The following XKR6 variants were observed in gnomAD, a reference collection of about 807,000 sequenced individuals.
XKR6 encodes the protein XK related 6, also known as XK-related protein 6.
XKR6 carries 22 observed loss-of-function variants against 56.7 expected under a neutral mutation model. The ratio of observed to expected loss-of-function variants is 0.39; its 90% CI spans 0.28 to 0.55. The LOEUF (loss-of-function observed/expected upper bound fraction) is 0.55. Ranked by LOEUF, XKR6 falls within the 20% of genes least tolerant of loss-of-function variation. The pLI is 0.66. For missense variants in XKR6, 852 were observed against 889.0 expected (o/e 0.96, Z 0.53); for synonymous variants, 524 against 387.8 (o/e 1.35, Z -4.13).
intron 1 of XKR6, among the ~76,000 whole-genome samples, chr8:11,041,449 G>A (rs1359736310): frequency 1.3e-5 from 2 of 151,976 alleles, no homozygotes; most frequent in Non-Finnish European, 2.9e-5. Flanking sequence ...CCAGCTACTC[G>A]GGAGGCTGAG....
intron 1 of XKR6, among the ~76,000 whole-genome samples, chr8:11,093,538 C>G (rs573457196): frequency 6.6e-6 from 1 of 152,204 alleles, no homozygotes; most frequent in African/African-American, 2.4e-5. Flanking sequence ...CATCCTTAGT[C>G]TCTTAGTTAT....
At chr8:11,063,578 T>C (rs1425356033) in intron 1 of XKR6, among the ~76,000 whole-genome samples, 3 of 151,848 alleles carry the variant, frequency 2.0e-5, no homozygotes, top group Non-Finnish European at 2.9e-5. Flanking sequence ...TGATCTATTA[T>C]TACAGCACCC....
chr8:11,084,628 T>C (rs893726511), intron 1 of XKR6, among the ~76,000 whole-genome samples: 2 of 152,212 alleles, frequency 1.3e-5, no homozygotes, highest in Non-Finnish European at 2.9e-5. Flanking sequence ...GCCTGGTGCA[T>C]TTCTTATTCA....
chr8:10,963,111 C>T (rs572116453), intron 1 of XKR6, among the ~76,000 whole-genome samples: 36 of 152,370 alleles, frequency 2.4e-4, no homozygotes, highest in Admixed American at 5.2e-4. Context: ...TCTCCTCTCT[C>T]GGCGCTTCCA....
In XKR6 at chr8:10,986,199, T is replaced by C. The variant is rs553377935; in HGVS notation, c.765-61369A>G. 8.9e-4 allele frequency among the ~76,000 whole-genome samples: 136 copies of C among 152,266 alleles called. 1 individual carries two copies. The highest frequency in any genetic ancestry group is 3.2e-3 in the African/African-American group (132 of 41,564). On this transcript the variant is annotated intron_variant, in intron 1 of 2. Transcript: ENST00000416569. The stretch of plus-strand genomic sequence containing the variant: ...TCAGAGGAGTAGATTATTTAATAAG[T>C]GATGGTGGCCCAGATGATTCGACAT...
At chr8:10,963,229 G>C (rs1442928817) in intron 1 of XKR6, among the ~76,000 whole-genome samples, 1 of 152,224 alleles carries the variant, frequency 6.6e-6, no homozygotes, top group Admixed American at 6.5e-5. Context: ...CACACCGGCA[G>C]CTGTCGGCTC....
intron 1 of XKR6, among the ~76,000 whole-genome samples, chr8:11,032,004 G>A (rs941552542): frequency 1.6e-4 from 24 of 152,192 alleles, no homozygotes; most frequent in South Asian, 2.1e-4. Context: ...GCAGGTGTGC[G>A]TGTCCCCATT....
intron 1 of XKR6, among the ~76,000 whole-genome samples, chr8:10,952,936 A>AGT (rs1801769604): frequency 1.3e-5 from 2 of 152,012 alleles, no homozygotes; most frequent in South Asian, 4.2e-4. Context: ...TTCCCACAGG[A>AGT]CTGTAAACCC....
intron 1 of XKR6, among the ~76,000 whole-genome samples, chr8:10,955,049 A>G (rs952768754): frequency 6.7e-6 from 1 of 149,596 alleles, no homozygotes; most frequent in Non-Finnish European, 1.5e-5. Flanking sequence ...TTGTATTTTT[A>G]GTAGAGATGG....
chr8:11,125,691 T>A (rs960010913), intron 1 of XKR6: 1 of 152,086 alleles, frequency 6.6e-6, no homozygotes, highest in Non-Finnish European at 1.5e-5. Flanking sequence ...TGCAAAAAAC[T>A]AAAAACAACT....
At chr8:11,161,912 T>C (rs1488958668) in intron 1 of XKR6, among the ~76,000 whole-genome samples, 4 of 152,128 alleles carry the variant, frequency 2.6e-5, no homozygotes, top group African/African-American at 4.8e-5. Flanking sequence ...TTTACTTACT[T>C]ACCCAGGTTG....
At chr8:11,070,549 A>G (rs1800089234) in intron 1 of XKR6, among the ~76,000 whole-genome samples, 1 of 152,190 alleles carries the variant, frequency 6.6e-6, no homozygotes, top group African/African-American at 2.4e-5. Flanking sequence ...GCTCTCCCCA[A>G]AGCTAGTCTT....
At chr8:11,192,719 A>T (rs1300682512) in intron 1 of XKR6, among the ~76,000 whole-genome samples, 2 of 152,138 alleles carry the variant, frequency 1.3e-5, no homozygotes, top group Non-Finnish European at 2.9e-5. Context: ...ATTGAGCAAA[A>T]ATACACACTC....
intron 1 of XKR6, among the ~76,000 whole-genome samples, chr8:11,179,020 CTTTTTTTTTT>C (rs35214787): frequency 9.6e-6 from 1 of 104,522 alleles, no homozygotes; most frequent in Non-Finnish European, 1.8e-5. Flanking sequence ...TTTTCTTTTT[CTTTTTTTTTT>C]TTTTTTTTTG....
At chr8:10,931,724 G>A (rs115208908) in intron 1 of XKR6, among the ~76,000 whole-genome samples, 263 of 152,110 alleles carry the variant, frequency 1.7e-3, no homozygotes, top group African/African-American at 6.1e-3. Flanking sequence ...TGTATCATAG[G>A]TTAACGTGTA....
At chr8:11,110,805 A>G (rs566816076) in intron 1 of XKR6, among the ~76,000 whole-genome samples, 49 of 152,142 alleles carry the variant, frequency 3.2e-4, no homozygotes, top group African/African-American at 1.1e-3. Context: ...ACAGTTTTAA[A>G]TAGCATGTTC....
intron 1 of XKR6, among the ~76,000 whole-genome samples, chr8:10,970,196 G>A (rs945557510): frequency 6.6e-5 from 10 of 152,210 alleles, no homozygotes; most frequent in African/African-American, 2.2e-4. Context: ...CTCTGGAGGC[G>A]AGGGAAGACA....
intron 1 of XKR6, among the ~76,000 whole-genome samples, chr8:10,932,957 G>T (rs1006471504): frequency 6.7e-6 from 1 of 149,498 alleles, no homozygotes; most frequent in African/African-American, 2.5e-5. Flanking sequence ...GGGATGCCTG[G>T]GTCAAATGGT....
intron 1 of XKR6, among the ~76,000 whole-genome samples, chr8:11,165,090 C>CTTTTTT (rs35783491): frequency 7.3e-5 from 6 of 82,472 alleles, no homozygotes; most frequent in African/African-American, 1.0e-4. Flanking sequence ...AGGCTATCAC[C>CTTTTTT]TTTTTTTTTT....
Sources: allele counts gnomAD v4.1 joint callset (sites outside exome capture counted in the v4.1 genomes callset), GRCh38; gene constraint gnomAD v4.1.1; transcripts MANE v1.5; gene names NCBI Gene and HGNC (gene_info 2026-07-23, HGNC 2026-07-21).